The following NHSL1 variants were observed in gnomAD, a reference collection of about 807,000 sequenced individuals.
NHSL1 encodes NHS like 1.
A neutral mutation model predicts 95.0 loss-of-function variants in NHSL1; 48 were observed. The observed-to-expected ratio is 0.51, with a 90% CI of 0.40 to 0.64. NHSL1 has a LOEUF of 0.64. NHSL1 is among the 30% of genes least tolerant of loss of function. The pLI is 0.00. For missense variants in NHSL1, 1,971 were observed against 2,077.7 expected, an observed-to-expected ratio of 0.95 and a Z score of 1.00; for synonymous variants, 783 against 833.9, an observed-to-expected ratio of 0.94 and a Z score of 1.05.
intron 3 of NHSL1, among the ~76,000 whole-genome samples, chr6:138,455,482 GCTCCCTGCAAGGAGCCCCGCCTTCA>G (rs1230020188): frequency 5.9e-4 from 10 of 17,062 alleles, no homozygotes; most frequent in Non-Finnish European, 1.7e-3. Context: ...GCCTTCACAT[GCTCCCTGCAAGGAGCCCCGCCTTCA>G]CATGCTCCCT....
chr6:138,582,385 A>G (rs926147038), intron 1 of NHSL1, among the ~76,000 whole-genome samples: 3 of 148,752 alleles, frequency 2.0e-5, no homozygotes, highest in Non-Finnish European at 4.4e-5. Context: ...AAAAAAAGAG[A>G]TGGGACCAAA....
chr6:138,447,913 C>T (rs552026390), intron 3 of NHSL1, among the ~76,000 whole-genome samples: 4 of 152,238 alleles, frequency 2.6e-5, no homozygotes, highest in African/African-American at 9.6e-5. Context: ...AATCTTATTT[C>T]CTTTAGGCTC....
intron 1 of NHSL1, among the ~76,000 whole-genome samples, chr6:138,534,677 G>GA (rs1347076488): frequency 6.6e-6 from 1 of 152,112 alleles, no homozygotes; most frequent in Non-Finnish European, 1.5e-5. Context: ...AATTCCAACA[G>GA]AAACTCTATC....
chr6:138,461,399 T>C (rs72973285), intron 3 of NHSL1, among the ~76,000 whole-genome samples: 21,822 of 152,154 alleles, frequency 0.14, 1,608 homozygotes, highest in Middle Eastern at 0.2. Flanking sequence ...AACCAACTTT[T>C]ACATATTTGG....
At chr6:138,572,068 C>A in exon 1 of NHSL1, 1 of 599,322 alleles carries the variant, frequency 1.7e-6, no homozygotes, top group Non-Finnish European at 2.9e-6. Context: ...GCTTCTGTGT[C>A]ACCCAATTAA....
chr6:138,521,495 C>T (rs1305288300), intron 1 of NHSL1, among the ~76,000 whole-genome samples: 1 of 152,022 alleles, frequency 6.6e-6, no homozygotes, highest in Non-Finnish European at 1.5e-5. Context: ...CCCCCTGCCT[C>T]ACCCCCCTGG....
At chr6:138,453,224 C>T (rs1777356440) in intron 3 of NHSL1, among the ~76,000 whole-genome samples, 1 of 152,186 alleles carries the variant, frequency 6.6e-6, no homozygotes, top group Non-Finnish European at 1.5e-5. Flanking sequence ...ATCCGCCCGC[C>T]TCAGCCTCCA....
At chr6:138,582,908 T>C (rs1583433578) in intron 1 of NHSL1, among the ~76,000 whole-genome samples, 1 of 151,194 alleles carries the variant, frequency 6.6e-6, no homozygotes, top group Admixed American at 6.6e-5. Flanking sequence ...ATCACTTAAC[T>C]ACTGCTGCCT....
rs957262067 is a variant in NHSL1 at position 138,422,688 on chromosome 6, C to T, written c.*1393G>A. The T allele has an allele frequency of 2.6e-5, 4 of 152,126 alleles. No individual in the cohort carries two copies. The highest frequency in any genetic ancestry group is 4.8e-5 in the African/African-American group (2 of 41,416). The allele number at this position is 152,126 out of a possible 1,614,324, so 9.4% of individuals were successfully genotyped here. On this transcript the variant is annotated 3_prime_UTR_variant, in exon 8 of 8. Coordinates refer to ENST00000343505, the MANE Select transcript of NHSL1 (RefSeq NM_001144060.2). ...TACATTAAAATAAAGACTTCACACA[C>T]GTGTGTCCCATGTCTAAAATTGTTG...
intron 1 of NHSL1, among the ~76,000 whole-genome samples, chr6:138,604,216 T>A (rs2114571561): frequency 6.6e-6 from 1 of 152,014 alleles, no homozygotes; most frequent in South Asian, 2.1e-4. Context: ...AAAAGAAAAA[T>A]AAAGAAGTTT....
At chr6:138,613,552 C>T (rs781102531) in intron 1 of NHSL1, among the ~76,000 whole-genome samples, 6 of 152,162 alleles carry the variant, frequency 3.9e-5, no homozygotes, top group Admixed American at 6.6e-5. Flanking sequence ...GGAAAAAGTG[C>T]AGCAAGTGGA....
At chr6:138,566,311 T>A (rs376778878) in intron 1 of NHSL1, among the ~76,000 whole-genome samples, 4 of 151,716 alleles carry the variant, frequency 2.6e-5, no homozygotes, top group Admixed American at 2.0e-4. Context: ...GGCAGGAGAA[T>A]AACTAGAACC....
intron 1 of NHSL1, among the ~76,000 whole-genome samples, chr6:138,608,025 T>C (rs1393205257): frequency 6.6e-6 from 1 of 152,232 alleles, no homozygotes; most frequent in African/African-American, 2.4e-5. Context: ...CCTGTCAGCT[T>C]CGCTCACTGT....
At chr6:138,499,535 A>T (rs1184435496), upstream of NHSL1, 1 of 712,152 alleles carries the variant, frequency 1.4e-6, no homozygotes, top group African/African-American at 1.8e-5. Flanking sequence ...GGCTGAGAGC[A>T]GCCAGTGACA....
chr6:138,512,932 C>T (rs1196791535), intron 1 of NHSL1, among the ~76,000 whole-genome samples: 1 of 152,218 alleles, frequency 6.6e-6, no homozygotes, highest in Non-Finnish European at 1.5e-5. Flanking sequence ...GTGTTTCTTC[C>T]TCCTGGTTTC....
chr6:138,501,180 C>A (rs1238479202), upstream of NHSL1, among the ~76,000 whole-genome samples: 1 of 152,164 alleles, frequency 6.6e-6, no homozygotes, highest in Non-Finnish European at 1.5e-5. Flanking sequence ...TATGCTCAAC[C>A]CTCCATAGCA....
intron 1 of NHSL1, among the ~76,000 whole-genome samples, chr6:138,593,863 G>A (rs1784266225): frequency 1.3e-5 from 2 of 152,162 alleles, no homozygotes; most frequent in African/African-American, 4.8e-5. Context: ...TTTAAAGAGA[G>A]GTTCAGCTGT....
At chr6:138,571,680 A>G (rs1358297254) in intron 1 of NHSL1, 4 of 1,545,604 alleles carry the variant, frequency 2.6e-6, no homozygotes, top group Non-Finnish European at 2.6e-6. Flanking sequence ...AACTTTTTCA[A>G]ATGTTTAAAT....
chr6:138,502,868 G>A (rs147171469), upstream of NHSL1, among the ~76,000 whole-genome samples: 123 of 152,236 alleles, frequency 8.1e-4, 1 homozygote, highest in African/African-American at 2.6e-3. Context: ...GTAAACATAC[G>A]TAAGTGTATG....
Sources: allele counts gnomAD v4.1 joint callset (sites outside exome capture counted in the v4.1 genomes callset), GRCh38; gene constraint gnomAD v4.1.1; transcripts MANE v1.5; gene names NCBI Gene and HGNC (gene_info 2026-07-23, HGNC 2026-07-21).